NFIA: variants seen among roughly 807,000 people sequenced by gnomAD.
The protein encoded by NFIA is nuclear factor I A.
NFIA carries 8 observed loss-of-function variants against 62.8 expected under a neutral mutation model. The observed-to-expected ratio is 0.13, with a 90% CI of 0.07 to 0.23. The LOEUF (loss-of-function observed/expected upper bound fraction) is 0.23. NFIA is among the 10% of genes least tolerant of loss of function. NFIA has a pLI of 1.00. For missense variants in NFIA, 410 were observed against 642.1 expected (o/e 0.64, Z 3.91); for synonymous variants, 235 against 238.1 (o/e 0.99, Z 0.12).
At chr1:61,079,603 T>C (rs1646071604), upstream of NFIA, among the ~76,000 whole-genome samples, 1 of 152,218 alleles carries the variant, frequency 6.6e-6, no homozygotes, top group South Asian at 2.1e-4. Context: ...TTGGAGAGGT[T>C]ATTTCCAATA....
chr1:61,077,941 G>A (rs779332813), upstream of NFIA, among the ~76,000 whole-genome samples: 2 of 151,520 alleles, frequency 1.3e-5, no homozygotes, highest in African/African-American at 2.4e-5. Context: ...AGAAAGGGGT[G>A]GGGGGAAATC....
chr1:61,379,772 C>T (rs529527343), intron 6 of NFIA, among the ~76,000 whole-genome samples: 3 of 152,022 alleles, frequency 2.0e-5, no homozygotes, highest in South Asian at 2.1e-4. Context: ...AGGCTGCTCT[C>T]GAACTCCTGG....
At chr1:61,133,023 A>T (rs1647109059) in intron 2 of NFIA, 1 of 152,234 alleles carries the variant, frequency 6.6e-6, no homozygotes, top group African/African-American at 2.4e-5. Context: ...AACTTTTTCC[A>T]AACAAGATGT....
At chr1:61,254,919 A>G (rs1013081877) in intron 2 of NFIA, among the ~76,000 whole-genome samples, 1 of 152,218 alleles carries the variant, frequency 6.6e-6, no homozygotes, top group African/African-American at 2.4e-5. Context: ...AGGGGGGCTT[A>G]TTATGTCAAC....
rs555578377 is a variant in NFIA, at chr1:61,193,771, C to T, written c.560-83749C>T. On this transcript the variant is annotated intron_variant, in intron 2 of 10. Transcript: ENST00000403491. ...TTAATGCATTTACTTTATAATATGA[C>T]CACTTTTTCCTTTTAACATTTTCCC... Among the ~76,000 whole-genome samples, 4 of 152,308 alleles carry T rather than the reference C, an allele frequency of 2.6e-5. No individual in the cohort carries two copies. The East Asian group carries it at 7.7e-4, about 29-fold the overall frequency.
intron 2 of NFIA, among the ~76,000 whole-genome samples, chr1:61,239,713 A>G (rs1201930210): frequency 6.6e-6 from 1 of 152,182 alleles, no homozygotes; most frequent in African/African-American, 2.4e-5. Context: ...TTAAACACTT[A>G]ATATATTATT....
chr1:61,298,241 C>G lies in NFIA; in HGVS notation c.625+20656C>G, dbSNP rs149471797. Among the ~76,000 whole-genome samples the G allele has an allele frequency of 4.9e-3, 750 of 152,268 alleles. 4 individuals are homozygous for G. Among genetic ancestry groups the G allele is most frequent in the African/African-American group, 0.017 (707 of 41,564 alleles). On this transcript the variant is annotated intron_variant, in intron 3 of 10. Transcript: ENST00000403491. ...GTATTTTCCTGTGCTCACACACGCT[C>G]TCTCTTGCCTGCCACCGTGTAAGAT...
At chr1:61,134,521 C>A (rs182828360) in intron 2 of NFIA, among the ~76,000 whole-genome samples, 17 of 152,208 alleles carry the variant, frequency 1.1e-4, no homozygotes, top group African/African-American at 4.1e-4. Flanking sequence ...GTCTCATGAA[C>A]TTTCTTACCT....
At chr1:61,422,742 T>G (rs1313335478) in intron 9 of NFIA, among the ~76,000 whole-genome samples, 1 of 100,406 alleles carries the variant, frequency 1.0e-5, no homozygotes, top group Non-Finnish European at 1.9e-5. Flanking sequence ...CCCCCGTCTC[T>G]ATTTAAAAAA....
At chr1:61,425,069 G>A (rs1306985505) in intron 9 of NFIA, among the ~76,000 whole-genome samples, 1 of 152,074 alleles carries the variant, frequency 6.6e-6, no homozygotes, top group African/African-American at 2.4e-5. Context: ...ACCACAAAAA[G>A]TTTCTTATTT....
intron 2 of NFIA, among the ~76,000 whole-genome samples, chr1:61,112,619 G>A (rs2807990): frequency 0.78 from 118,645 of 152,160 alleles, 47,075 homozygotes; most frequent in Middle Eastern, 0.86. Flanking sequence ...TTATATGTGT[G>A]ATAGCTCACA....
intron 2 of NFIA, among the ~76,000 whole-genome samples, chr1:61,255,666 G>A (rs1656344664): frequency 6.6e-6 from 1 of 152,272 alleles, no homozygotes; most frequent in East Asian, 1.9e-4. Context: ...TTCCATAGTG[G>A]AAATAGAACT....
At chr1:61,422,025 G>T (rs1285693156) in intron 9 of NFIA, among the ~76,000 whole-genome samples, 1 of 152,178 alleles carries the variant, frequency 6.6e-6, no homozygotes, top group East Asian at 1.9e-4. Flanking sequence ...ACTTTGGGAG[G>T]CCAAAGTGGG....
rs1050951495 is a variant in NFIA at position 61,461,779 on chromosome 1, T to A, written c.*6459T>A. On this transcript the variant is annotated 3_prime_UTR_variant, in exon 11 of 11. Coordinates refer to ENST00000403491, the MANE Select transcript of NFIA (RefSeq NM_001134673.4). The stretch of plus-strand genomic sequence containing the variant: ...AAGAGCATACAGTGGAAGTGCTACC[T>A]CTAATCTAACCAGAGCACCTTCATG... 1.3e-5 allele frequency: 2 copies of A among 152,154 alleles called. No individual in the cohort carries two copies. Among genetic ancestry groups the A allele is most frequent in the African/African-American group, 2.4e-5 (1 of 41,432 alleles). The allele number at this position is 152,154 out of a possible 1,614,324, so 9.4% of individuals were successfully genotyped here. A position where few individuals can be genotyped will look rare whatever the true frequency, so the allele number is the denominator to read the frequency against.
chr1:61,343,550 G>C (rs550741594), intron 4 of NFIA, among the ~76,000 whole-genome samples: 36 of 152,282 alleles, frequency 2.4e-4, no homozygotes, highest in Non-Finnish European at 4.3e-4. Context: ...TTCGTAAAAA[G>C]CATTGCTTAA....
chr1:61,117,946 G>A (rs961021565), intron 2 of NFIA, among the ~76,000 whole-genome samples: 9 of 152,282 alleles, frequency 5.9e-5, no homozygotes, highest in African/African-American at 2.2e-4. Flanking sequence ...CACTTTGGGA[G>A]GCTGAGGCAG....
At chr1:61,436,445 C>G (rs1667332668) in intron 10 of NFIA, among the ~76,000 whole-genome samples, 1 of 152,138 alleles carries the variant, frequency 6.6e-6, no homozygotes, top group Non-Finnish European at 1.5e-5. Flanking sequence ...AATATTTCTA[C>G]ACTCTAAATA....
At chr1:61,082,314 G>A, upstream of NFIA, 1 of 262,270 alleles carries the variant, frequency 3.8e-6, no homozygotes, top group Non-Finnish European at 6.3e-6. Flanking sequence ...GAGCGGCCGC[G>A]GAGGCTCGGG....
chr1:61,424,836 G>C (rs553129944), intron 9 of NFIA, among the ~76,000 whole-genome samples: 1 of 152,106 alleles, frequency 6.6e-6, no homozygotes, highest in Non-Finnish European at 1.5e-5. Context: ...ATTTTACTGA[G>C]CTTTTAAAAA....
Sources: allele counts gnomAD v4.1 joint callset (sites outside exome capture counted in the v4.1 genomes callset), GRCh38; gene constraint gnomAD v4.1.1; transcripts MANE v1.5; gene names NCBI Gene and HGNC (gene_info 2026-07-23, HGNC 2026-07-21).